The following TEX15 variants were observed in gnomAD, a reference collection of about 807,000 sequenced individuals.
The protein encoded by TEX15 is testis expressed 15, meiosis and synapsis associated.
In TEX15, 171 loss-of-function variants were observed where a neutral mutation model predicts 237.3. The observed-to-expected ratio is 0.72, with a 90% CI of 0.64 to 0.82. The LOEUF (loss-of-function observed/expected upper bound fraction) is 0.82. Ranked by LOEUF, TEX15 falls within the 40% of genes least tolerant of loss-of-function variation. The pLI, the probability that TEX15 is intolerant of heterozygous loss-of-function variation, is 0.00. For synonymous variants in TEX15, 1,338 were observed against 1,269.8 expected, an observed-to-expected ratio of 1.05 and a Z score of -1.14; for missense variants, 3,750 against 3,646.5, an observed-to-expected ratio of 1.03 and a Z score of -0.73.
At position 30,837,962 on chromosome 8, in the gene TEX15, T is replaced by C. The variant is rs748418226; in HGVS notation, c.8322A>G (p.Gln2774=). The change falls in exon 10 of 11, where the codon CAA becomes CAG. Residue 2774 remains glutamine, a synonymous_variant. Transcript: ENST00000643185. ...NHLTPKKVEM[Q]RSLPGSLLPL... is the part of the protein sequence containing the mutation. ...GTAAAAGTGAGCCAGGTAGTGATCT[T>C]TGCATTTCAACCTTTTTTGGCGTTA... The C allele has an allele frequency of 9.9e-6, 16 of 1,614,040 alleles. No homozygotes were observed. The highest frequency in any genetic ancestry group is 9.3e-5 in the African/African-American group (7 of 74,928).
Position 30,845,169 on chromosome 8 carries a change from G to A in TEX15, c.4998C>T (p.Tyr1666=), listed in dbSNP as rs753338337. Residue 1666 remains tyrosine (Y), a synonymous_variant, in exon 8 of 11, where the codon TAC becomes TAT. Coordinates refer to ENST00000643185, the MANE Select transcript of TEX15 (RefSeq NM_001350162.2). The part of the protein sequence containing the change: ...SNVKHFLNDL[Y]QQGNLILSDC... ...CAGATAAAATAAGGTTACCTTGTTG[G>A]TAGAGATCATTTAAAAAGTGCTTCA... The A allele has an allele frequency of 5.8e-5, 93 of 1,613,290 alleles. No individual in the cohort carries two copies. Among genetic ancestry groups the A allele is most frequent in the Non-Finnish European group, 4.2e-5 (50 of 1,179,486 alleles).
In TEX15 at chr8:30,831,740, T is replaced by G. The variant is rs945260450; in HGVS notation, c.*1546A>C. The G allele has an allele frequency of 6.6e-6, 1 of 152,242 alleles. No homozygotes were observed. The highest frequency in any genetic ancestry group is 2.4e-5 in the African/African-American group (1 of 41,468). 9.4% of individuals were successfully genotyped at this position (152,242 alleles called of 1,614,324 possible). ...GAATATTTAACTTTTGGTTTACATA[T>G]TAGTAGTAGTATTAACTATAAATGC... On this transcript the variant is annotated 3_prime_UTR_variant, in exon 11 of 11. Transcript: ENST00000643185.
intron 5 of TEX15, among the ~76,000 whole-genome samples, chr8:30,862,629 G>T (rs1808074740): frequency 6.6e-6 from 1 of 152,088 alleles, no homozygotes; most frequent in South Asian, 2.1e-4. Context: ...CAAAAAAATT[G>T]TAAGGAGTTA....
At position 30,867,301 on chromosome 8, in the gene TEX15, A is replaced by C. The variant is rs1175913842; in HGVS notation, c.504T>G (p.Ser168Arg). The C allele has an allele frequency of 1.3e-6, 2 of 1,514,632 alleles. No individual in the cohort carries two copies. The highest frequency in any genetic ancestry group is 2.4e-5 in the South Asian group (2 of 83,532). The allele number at this position is 1,514,632 out of a possible 1,614,324, so 93.8% of individuals were successfully genotyped here. The change falls in exon 5 of 11, where the codon AGT (serine) becomes AGG (arginine). Residue 168 changes from serine to arginine, a missense_variant. Physicochemically the swap from Ser to Arg is moderately radical, Grantham distance 110 (BLOSUM62 -1). Transcript: ENST00000643185. ...AAATACTTTCTACAGTAATGCTTTG[A>C]CTATGAGAATAATTCAAGGCAATAT... ...HVDIALNYSH[S>R]QSITVESILI...
chr8:30,845,447 T>G lies in TEX15; in HGVS notation c.4720A>C (p.Ile1574Leu). ...DEKLIEKENQ[I>L]DTAFLSSTSK... ...GTGCTAGATAAAAATGCTGTATCAA[T>G]TTGATTTTCTTTTTCTATTAGTTTC... is the stretch of plus-strand genomic sequence containing the variant. Residue 1574 changes from isoleucine (I) to leucine (L), a missense_variant, in exon 8 of 11, where the codon ATT becomes CTT. Transcript: ENST00000643185. The G allele has an allele frequency of 6.2e-7, 1 of 1,612,912 alleles. No homozygotes were observed. Among genetic ancestry groups the G allele is most frequent in the Non-Finnish European group, 8.5e-7 (1 of 1,179,364 alleles).
At chr8:30,867,879 G>A (rs1808207036) in intron 4 of TEX15, among the ~76,000 whole-genome samples, 1 of 152,070 alleles carries the variant, frequency 6.6e-6, no homozygotes, top group Non-Finnish European at 1.5e-5. Context: ...ATGAGGTTCA[G>A]AAAGTTAAAT....
At chr8:30,906,596 A>G (rs994439336) in intron 1 of TEX15, among the ~76,000 whole-genome samples, 1 of 70,380 alleles carries the variant, frequency 1.4e-5, no homozygotes, top group African/African-American at 3.8e-4. Context: ...TCTCAAAAGA[A>G]AAAAAAAAAA....
At chr8:30,877,537 T>C (rs1808425981) in intron 3 of TEX15, among the ~76,000 whole-genome samples, 1 of 152,160 alleles carries the variant, frequency 6.6e-6, no homozygotes, top group African/African-American at 2.4e-5. Flanking sequence ...ACCCCCAAAA[T>C]GATTTTCATT....
chr8:30,846,082 T>C lies in TEX15; in HGVS notation c.4085A>G (p.Asn1362Ser). The change falls in exon 8 of 11, where the codon AAT becomes AGT. Residue 1362 changes from asparagine (N) to serine (S), a missense_variant. Coordinates refer to ENST00000643185, the MANE Select transcript of TEX15 (RefSeq NM_001350162.2). ...QSEKHIKSVLNILSDEASLCK... is the reference protein window; with the variant it reads ...QSEKHIKSVLSILSDEASLCK... Reference sequence around the variant, plus strand: ...TAAAGATGCTTCATCACTTAGGATATTTAGGACACTCTTAATGTGCTTTTC... The same window carrying C: ...TAAAGATGCTTCATCACTTAGGATACTTAGGACACTCTTAATGTGCTTTTC... The C allele has an allele frequency of 6.2e-7, 1 of 1,613,440 alleles. No individual in the cohort carries two copies. The highest frequency in any genetic ancestry group is 8.5e-7 in the Non-Finnish European group (1 of 1,179,602).
intron 2 of TEX15, among the ~76,000 whole-genome samples, chr8:30,893,237 G>C (rs2128777463): frequency 6.6e-6 from 1 of 152,290 alleles, no homozygotes; most frequent in East Asian, 1.9e-4. Context: ...AGGACACAGA[G>C]CTAGGAAGGG....
At chr8:30,911,813 C>G (rs1305916332) in intron 1 of TEX15, among the ~76,000 whole-genome samples, 3 of 152,144 alleles carry the variant, frequency 2.0e-5, no homozygotes, top group African/African-American at 7.2e-5. Flanking sequence ...AACTCAACCC[C>G]GAGCGCGGAG....
intron 10 of TEX15, among the ~76,000 whole-genome samples, chr8:30,835,183 C>A (rs1177474633): frequency 6.6e-6 from 1 of 150,838 alleles, no homozygotes; most frequent in Non-Finnish European, 1.5e-5. Flanking sequence ...CGGCTCACTG[C>A]AACCTCTGCC....
intron 2 of TEX15, among the ~76,000 whole-genome samples, chr8:30,888,413 A>G (rs1808711313): frequency 6.6e-6 from 1 of 152,170 alleles, no homozygotes; most frequent in Non-Finnish European, 1.5e-5. Flanking sequence ...CATTCTATAA[A>G]TGCTTAAGAC....
At chr8:30,892,015 G>A (rs911995086) in intron 2 of TEX15, among the ~76,000 whole-genome samples, 5 of 151,820 alleles carry the variant, frequency 3.3e-5, no homozygotes, top group South Asian at 2.1e-4. Context: ...TCCCAACTAC[G>A]AATATTTTTC....
chr8:30,899,602 C>T (rs1239361694), intron 1 of TEX15, among the ~76,000 whole-genome samples: 3 of 152,132 alleles, frequency 2.0e-5, no homozygotes. Flanking sequence ...AGGCATGTGC[C>T]ACCGTGCCCG....
chr8:30,910,658 C>G (rs1320384195), intron 1 of TEX15, among the ~76,000 whole-genome samples: 1 of 148,200 alleles, frequency 6.7e-6, no homozygotes, highest in Non-Finnish European at 1.5e-5. Context: ...CTATGTTGCC[C>G]CAGGCTGGTC....
intron 5 of TEX15, 49 bp from the exon 6 acceptor site, chr8:30,860,106 G>C: frequency 7.4e-7 from 1 of 1,350,788 alleles, no homozygotes; most frequent in Non-Finnish European, 9.7e-7. Context: ...ATACCAAAAC[G>C]TTTCTAAACT....
chr8:30,870,546 A>G (rs1315022946), intron 4 of TEX15, among the ~76,000 whole-genome samples: 1 of 152,050 alleles, frequency 6.6e-6, no homozygotes, highest in African/African-American at 2.4e-5. Context: ...GTATTCAAGT[A>G]AGTATTTTTT....
chr8:30,893,020 G>A (rs112352786), intron 2 of TEX15, among the ~76,000 whole-genome samples: 9,907 of 139,938 alleles, frequency 0.071, 452 homozygotes, highest in Middle Eastern at 0.1. Context: ...GCGACAGAGC[G>A]AGACTCTGCC....
Sources: allele counts gnomAD v4.1 joint callset (sites outside exome capture counted in the v4.1 genomes callset), GRCh38; gene constraint gnomAD v4.1.1; transcripts MANE v1.5; gene names NCBI Gene and HGNC (gene_info 2026-07-23, HGNC 2026-07-21).